Variants in MCM9 observed in about 807,000 individuals in gnomAD.
MCM9 encodes the protein DNA helicase MCM9.
Under a neutral mutation model 72.8 loss-of-function variants are expected in MCM9, and 55 were observed. That is an observed-to-expected ratio of 0.76 (90% confidence interval 0.61 to 0.95). The LOEUF (loss-of-function observed/expected upper bound fraction) is 0.95, where lower values mean the gene tolerates loss of function less well. MCM9 is among the 40% of genes least tolerant of loss of function. The probability of loss-of-function intolerance (pLI) is 0.00; values close to 1 mark genes in which losing one functional copy is unlikely to be tolerated. For synonymous variants in MCM9, 480 were observed against 503.4 expected (o/e 0.95, Z 0.62); for missense variants, 1,279 against 1,377.0 (o/e 0.93, Z 1.13).
At chr6:118,874,417 G>A (rs1562419335) in intron 8 of MCM9, among the ~76,000 whole-genome samples, 1 of 152,108 alleles carries the variant, frequency 6.6e-6, no homozygotes, top group African/African-American at 2.4e-5. Context: ...AGAAAACTAA[G>A]AATAGAGGAG....
intron 9 of MCM9, among the ~76,000 whole-genome samples, chr6:118,838,280 A>G (rs1468697650): frequency 1.3e-5 from 2 of 150,546 alleles, no homozygotes; most frequent in African/African-American, 2.5e-5. Context: ...CTCCTGACTC[A>G]GCCTCCTGAG....
At chr6:118,876,147 T>C (rs1320613232) in intron 8 of MCM9, among the ~76,000 whole-genome samples, 1 of 152,236 alleles carries the variant, frequency 6.6e-6, no homozygotes, top group Non-Finnish European at 1.5e-5. Context: ...ACATACTGTA[T>C]GATTCCAACT....
chr6:118,893,855 A>G (rs1006223008), intron 8 of MCM9, among the ~76,000 whole-genome samples: 1 of 148,950 alleles, frequency 6.7e-6, no homozygotes, highest in Non-Finnish European at 1.5e-5. Context: ...CAAAAAAAAA[A>G]ACAAAAAAAC....
intron 5 of MCM9, 117 bp from the exon 6 acceptor site, chr6:118,917,878 T>C (rs1781094851): frequency 2.5e-6 from 2 of 814,460 alleles, no homozygotes; most frequent in Non-Finnish European, 4.0e-6. Flanking sequence ...GTTTACAATA[T>C]GTACACTCAT....
At chr6:118,830,214 G>A (rs1287824556) in intron 9 of MCM9, among the ~76,000 whole-genome samples, 1 of 152,152 alleles carries the variant, frequency 6.6e-6, no homozygotes, top group Non-Finnish European at 1.5e-5. Flanking sequence ...TTTGTATGCT[G>A]TGCACTTGAT....
chr6:118,907,208 A>G (rs1780241181), intron 8 of MCM9, among the ~76,000 whole-genome samples: 1 of 152,206 alleles, frequency 6.6e-6, no homozygotes, highest in South Asian at 2.1e-4. Flanking sequence ...TTAATCTAAA[A>G]TAACTTCTTT....
chr6:118,909,100 T>C (rs747469261), intron 8 of MCM9: 1 of 152,190 alleles, frequency 6.6e-6, no homozygotes, highest in African/African-American at 2.4e-5. Flanking sequence ...GAAAATCTCA[T>C]TTGTCTAATT....
At chr6:118,827,689 G>A (rs867121430) in intron 11 of MCM9, among the ~76,000 whole-genome samples, 2 of 151,886 alleles carry the variant, frequency 1.3e-5, no homozygotes, top group South Asian at 2.1e-4. Flanking sequence ...TAAGTTCTAG[G>A]AGGTCCCGAG....
At position 118,931,412 on chromosome 6, in the gene MCM9, T is replaced by A; in HGVS notation, c.304+8A>T. 6.3e-7 allele frequency: 1 copy of A among 1,599,576 alleles called. No individual in the cohort carries two copies. The highest frequency in any genetic ancestry group is 8.6e-7 in the Non-Finnish European group (1 of 1,169,254). On this transcript the variant is annotated splice_region_variant and intron_variant, in intron 3 of 13. Transcript: ENST00000619706. Reference sequence around the variant, plus strand: ...ATAGCATGGCAGTAAAATCCTTAAGTGATTTACCTGATATCCTGGCATGAA... The same window carrying A: ...ATAGCATGGCAGTAAAATCCTTAAGAGATTTACCTGATATCCTGGCATGAA...
intron 9 of MCM9, among the ~76,000 whole-genome samples, chr6:118,855,479 T>G (rs1053343337): frequency 3.5e-4 from 54 of 152,232 alleles, no homozygotes; most frequent in African/African-American, 1.3e-3. Context: ...TAATAGTTCT[T>G]TCTTGTATCT....
intron 9 of MCM9, among the ~76,000 whole-genome samples, chr6:118,832,520 G>T (rs1025521100): frequency 1.9e-4 from 29 of 152,136 alleles, no homozygotes; most frequent in Non-Finnish European, 1.3e-4. Flanking sequence ...CTGAACTTCA[G>T]CATTATTTTA....
chr6:118,852,467 C>T (rs1009047116), intron 9 of MCM9, among the ~76,000 whole-genome samples: 1 of 152,004 alleles, frequency 6.6e-6, no homozygotes, highest in African/African-American at 2.4e-5. Context: ...GAAGATGTCA[C>T]TCCAATTAAA....
chr6:118,865,472 C>G (rs1352466065), intron 8 of MCM9, among the ~76,000 whole-genome samples: 2 of 152,134 alleles, frequency 1.3e-5, no homozygotes, highest in Non-Finnish European at 2.9e-5. Context: ...AGTGTGCAAA[C>G]ACTTCTAACG....
intron 8 of MCM9, among the ~76,000 whole-genome samples, chr6:118,902,616 T>C (rs899104483): frequency 1.2e-4 from 18 of 151,794 alleles, no homozygotes; most frequent in African/African-American, 4.1e-4. Flanking sequence ...TTTGTGTTTG[T>C]TATTAAGCAT....
chr6:118,915,097 CTG>C (rs1244781341), intron 6 of MCM9, among the ~76,000 whole-genome samples: 1 of 152,206 alleles, frequency 6.6e-6, no homozygotes, highest in Non-Finnish European at 1.5e-5. Context: ...TTTCCTCACA[CTG>C]TGGTCAACAC....
intron 3 of MCM9, among the ~76,000 whole-genome samples, chr6:118,928,881 TAA>T (rs1782139009): frequency 6.6e-6 from 1 of 151,312 alleles, no homozygotes; most frequent in Admixed American, 6.6e-5. Context: ...TTCATACATG[TAA>T]AGTTTCTGAA....
At chr6:118,892,962 T>C (rs1426978968) in intron 8 of MCM9, among the ~76,000 whole-genome samples, 2 of 152,178 alleles carry the variant, frequency 1.3e-5, no homozygotes, top group African/African-American at 2.4e-5. Flanking sequence ...CTGGGCACTA[T>C]ACTAAGAGAA....
rs1194964007 is a variant in MCM9, at chr6:118,931,858, T to C, written c.-15-120A>G. 11 of 712,824 alleles carry C rather than the reference T, an allele frequency of 1.5e-5. No individual in the cohort carries two copies. In the East Asian group the frequency reaches 3.0e-4, roughly 19 times the overall value. The allele number at this position is 712,824 out of a possible 1,614,324, so 44.2% of individuals were successfully genotyped here. A position where few individuals can be genotyped will look rare whatever the true frequency, so the allele number is the denominator to read the frequency against. ...GGGTCATACTATAATCACAAAATAA[T>C]ATCTGAATTCAAATCTTAATGAAAT... On this transcript the variant is annotated intron_variant, in intron 2 of 13. Transcript: ENST00000619706.
chr6:118,893,728 C>T (rs1451127510), intron 8 of MCM9, among the ~76,000 whole-genome samples: 4 of 151,994 alleles, frequency 2.6e-5, no homozygotes, highest in African/African-American at 9.7e-5. Context: ...CTACCCGATA[C>T]GCAGAAAGCT....
Sources: allele counts gnomAD v4.1 joint callset (sites outside exome capture counted in the v4.1 genomes callset), GRCh38; gene constraint gnomAD v4.1.1; transcripts MANE v1.5; gene names NCBI Gene and HGNC (gene_info 2026-07-23, HGNC 2026-07-21).